SLC38A2: variants seen among roughly 807,000 people sequenced by gnomAD.
SLC38A2 encodes solute carrier family 38 member 2, also known as sodium-coupled neutral amino acid symporter 2.
In SLC38A2, 11 loss-of-function variants were observed where a neutral mutation model predicts 61.5. The observed-to-expected ratio is 0.18, with a 90% CI of 0.11 to 0.30. The LOEUF (loss-of-function observed/expected upper bound fraction) is 0.30, where lower values mean the gene tolerates loss of function less well. SLC38A2 is among the 10% of genes least tolerant of loss of function. The pLI, the probability that SLC38A2 is intolerant of heterozygous loss-of-function variation, is 1.00. For synonymous variants in SLC38A2, 217 were observed against 212.5 expected (o/e 1.02, Z -0.18); for missense variants, 522 against 600.4 (o/e 0.87, Z 1.36).
At chr12:46,367,009 G>T (rs1026058466) in intron 6 of SLC38A2, 64 bp from the exon 7 acceptor site, 2 of 1,603,756 alleles carry the variant, frequency 1.2e-6, no homozygotes, top group Non-Finnish European at 1.7e-6. Flanking sequence ...TAAAACGCAT[G>T]TGTCACCATT....
intron 15 of SLC38A2, 23 bp downstream of exon 15, chr12:46,362,261 T>G: frequency 1.3e-6 from 2 of 1,531,028 alleles, no homozygotes; most frequent in Non-Finnish European, 1.8e-6. Context: ...TTACTGTTTC[T>G]ATGGTTATAA....
In SLC38A2 at chr12:46,367,261, T is replaced by C. The variant is rs200254457; in HGVS notation, c.388+6A>G. On this transcript the variant is annotated splice_donor_region_variant and intron_variant, in intron 5 of 15. Transcript: ENST00000256689. ...TGTTTTAGAAAAATCAAGAATGCTA[T>C]CATACCTCCTTCATTGGCAGTCTTC... 5.7e-5 allele frequency: 91 copies of C among 1,591,888 alleles called. No homozygotes were observed. The highest frequency in any genetic ancestry group is 6.6e-5 in the Non-Finnish European group (77 of 1,160,204).
At position 46,365,147 on chromosome 12, in the gene SLC38A2, T is replaced by C. The variant is rs777998353; in HGVS notation, c.606A>G (p.Ser202=). 1.5e-5 allele frequency: 25 copies of C among 1,613,552 alleles called. No homozygotes were observed. In the South Asian group the frequency reaches 1.9e-4, roughly 12 times the overall value. The change falls in exon 8 of 16, where the codon TCA becomes TCG. Residue 202 remains serine, a synonymous_variant. Transcript: ENST00000256689. ...LNGNYLVLLV[S]LVVILPLSLF... ...GCGACAAAGGAAGAATGACCACCAATGACACCAACAGAACCAAATAGTTCC... is the reference window on the plus strand; with the variant it reads ...GCGACAAAGGAAGAATGACCACCAACGACACCAACAGAACCAAATAGTTCC...
rs1943064630 is a variant in SLC38A2 at position 46,360,085 on chromosome 12, G to A, written c.*1026C>T. The A allele has an allele frequency of 6.6e-6, 1 of 152,566 alleles. No individual in the cohort carries two copies. The highest frequency in any genetic ancestry group is 6.5e-5 in the Admixed American group (1 of 15,270). 9.5% of individuals were successfully genotyped at this position (152,566 alleles called of 1,614,324 possible). A position where few individuals can be genotyped will look rare whatever the true frequency, so the allele number is the denominator to read the frequency against. Reference sequence around the variant, plus strand: ...CTGGACACAATAATTTTGGCCTATTGCCATCAAATGCCCATTTTCCACTGC... The same window carrying A: ...CTGGACACAATAATTTTGGCCTATTACCATCAAATGCCCATTTTCCACTGC... On this transcript the variant is annotated 3_prime_UTR_variant, in exon 16 of 16. Coordinates refer to ENST00000256689, the MANE Select transcript of SLC38A2 (RefSeq NM_018976.5).
In SLC38A2 at chr12:46,364,001, A is replaced by G. The variant is rs932286899; in HGVS notation, c.876T>C (p.Thr292=). The G allele has an allele frequency of 5.7e-5, 91 of 1,600,538 alleles. No homozygotes were observed. The highest frequency in any genetic ancestry group is 7.6e-5 in the Non-Finnish European group (89 of 1,175,056). The change falls in exon 11 of 16, where the codon ACT becomes ACC. Residue 292 remains threonine (T), a splice_region_variant and synonymous_variant. Coordinates refer to ENST00000256689, the MANE Select transcript of SLC38A2 (RefSeq NM_018976.5). ...AGATCAGAATTGGCACAGCATAGAC[A>G]GTCTGAAAGAAAACGTAAAAATCTA... ...RPHYFIFNSQ[T]VYAVPILIFS...
intron 4 of SLC38A2, among the ~76,000 whole-genome samples, chr12:46,369,626 TACTTAA>T (rs1943173569): frequency 1.3e-5 from 2 of 152,192 alleles, no homozygotes; most frequent in South Asian, 2.1e-4. Context: ...GGTCCACGGG[TACTTAA>T]ACTTAAGGGC....
Position 46,360,278 on chromosome 12 carries a change from C to G in SLC38A2, c.*833G>C, listed in dbSNP as rs1481127782. On this transcript the variant is annotated 3_prime_UTR_variant, in exon 16 of 16. Transcript: ENST00000256689. ...AGAAATATCTGCATTATCTTCCATTCTAATAAGTTGAAGACACAAACATTT... is the reference window on the plus strand; with the variant it reads ...AGAAATATCTGCATTATCTTCCATTGTAATAAGTTGAAGACACAAACATTT... The G allele has an allele frequency of 6.6e-6, 1 of 152,556 alleles. No individual in the cohort carries two copies. The highest frequency in any genetic ancestry group is 2.4e-5 in the African/African-American group (1 of 41,438). 9.5% of individuals were successfully genotyped at this position (152,556 alleles called of 1,614,324 possible).
rs1481101166 is a variant in SLC38A2, at chr12:46,367,315, ATAT to A, written c.337_339del (p.Ile113del). Reference sequence around the variant, plus strand: ...AGGAGATGAACAGAATACAGGGAAAATATTGACACAAATGTCAAGAGAATTCTG... The same window carrying A: ...AGGAGATGAACAGAATACAGGGAAAATGACACAAATGTCAAGAGAATTCTG... On this transcript the variant is annotated inframe_deletion, in exon 5 of 16. Transcript: ENST00000256689. 1.9e-6 allele frequency: 3 copies of A among 1,593,282 alleles called. No homozygotes were observed. The highest frequency in any genetic ancestry group is 2.6e-6 in the Non-Finnish European group (3 of 1,161,626).
chr12:46,362,994 C>A lies in SLC38A2; in HGVS notation c.1179+27G>T, dbSNP rs748709968. ...TCACATGTCTAAAAACTCCTTCCTA[C>A]TGAAAGCAGAGCAAGTGATTACTTA... On this transcript the variant is annotated intron_variant, in intron 13 of 15. Coordinates refer to ENST00000256689, the MANE Select transcript of SLC38A2 (RefSeq NM_018976.5). 6.0e-5 allele frequency: 96 copies of A among 1,610,582 alleles called. 1 individual carries two copies. In the South Asian group the frequency reaches 1.0e-3, roughly 17 times the overall value.
rs148403590 is a variant in SLC38A2, at chr12:46,368,607, G to A, written c.315-1267C>T. ...GAAGAGTTACATGTTTTTTAATTCCGTATGAACAAACTGCACGCAGTACCA... is the reference window on the plus strand; with the variant it reads ...GAAGAGTTACATGTTTTTTAATTCCATATGAACAAACTGCACGCAGTACCA... On this transcript the variant is annotated intron_variant, in intron 4 of 15. Coordinates refer to ENST00000256689, the MANE Select transcript of SLC38A2 (RefSeq NM_018976.5). 5.8e-3 allele frequency among the ~76,000 whole-genome samples: 889 copies of A among 152,200 alleles called. 2 individuals are homozygous for A. The highest frequency in any genetic ancestry group is 0.01 in the Middle Eastern group (3 of 294).
intron 12 of SLC38A2, among the ~76,000 whole-genome samples, chr12:46,363,409 G>C (rs1224928120): frequency 1.3e-5 from 2 of 152,036 alleles, no homozygotes; most frequent in Non-Finnish European, 2.9e-5. Context: ...GGCTTGGCTT[G>C]CAATTTGTGT....
In SLC38A2 at chr12:46,362,380, A is replaced by C; in HGVS notation, c.1326T>G (p.Gly442=). ...AAATCAACATAGAAGCTGCAGATGC[A>C]CCTGTAAAACAACATTTATGTTTCT... The part of the protein sequence containing the change: ...PTIRDIFGFI[G]ASAASMLIFI... The change falls in exon 15 of 16, where the codon GGT becomes GGG. Residue 442 remains glycine (G), a splice_region_variant and synonymous_variant. Transcript: ENST00000256689. 1 of 1,607,762 alleles carries C rather than the reference A, an allele frequency of 6.2e-7. No homozygotes were observed. Among genetic ancestry groups the C allele is most frequent in the Non-Finnish European group, 8.5e-7 (1 of 1,177,838 alleles).
rs1943050148 is a variant in SLC38A2 at position 46,358,809 on chromosome 12, A to G, written c.*2302T>C. Reference sequence around the variant, plus strand: ...AATGTTGTTCTATAAATAACATTACAGTTGTAACTGAAACATCCACGGAAG... The same window carrying G: ...AATGTTGTTCTATAAATAACATTACGGTTGTAACTGAAACATCCACGGAAG... On this transcript the variant is annotated 3_prime_UTR_variant, in exon 16 of 16. Coordinates refer to ENST00000256689, the MANE Select transcript of SLC38A2 (RefSeq NM_018976.5). The G allele has an allele frequency of 6.6e-6, 1 of 152,652 alleles. No homozygotes were observed. The allele number at this position is 152,652 out of a possible 1,614,324, so 9.5% of individuals were successfully genotyped here. A position where few individuals can be genotyped will look rare whatever the true frequency, so the allele number is the denominator to read the frequency against.
At chr12:46,363,201 G>A (rs1288520368) in intron 12 of SLC38A2, 56 bp from the exon 13 acceptor site, 47 of 1,577,884 alleles carry the variant, frequency 3.0e-5, no homozygotes, top group Non-Finnish European at 3.8e-5. Flanking sequence ...ACACCAAGTA[G>A]AAAATTTAAC....
intron 15 of SLC38A2, 42 bp from the exon 16 acceptor site, chr12:46,361,251 C>G (rs1565826588): frequency 6.8e-7 from 1 of 1,467,466 alleles, no homozygotes; most frequent in South Asian, 1.2e-5. Flanking sequence ...AGTAATAAAA[C>G]ATATATGCTA....
intron 7 of SLC38A2, 147 bp from the exon 8 acceptor site, chr12:46,365,336 T>C: frequency 1.5e-6 from 1 of 688,256 alleles, no homozygotes; most frequent in South Asian, 1.7e-5. Flanking sequence ...CTGTTCAAGA[T>C]AGGAATAACT....
intron 12 of SLC38A2, 150 bp downstream of exon 12, chr12:46,363,576 C>G: frequency 1.9e-6 from 1 of 526,816 alleles, no homozygotes; most frequent in Non-Finnish European, 3.3e-6. Flanking sequence ...ATTCTAAGCT[C>G]TAAATTTAAT....
intron 1 of SLC38A2, chr12:46,372,217 C>G (rs1943211576): frequency 6.4e-6 from 1 of 155,564 alleles, no homozygotes; most frequent in African/African-American, 2.4e-5. Context: ...ACAAGACTTG[C>G]CGCAGCAGAG....
At chr12:46,364,877 C>T in intron 8 of SLC38A2, 175 bp from the exon 9 acceptor site, 3 of 670,360 alleles carry the variant, frequency 4.5e-6, no homozygotes, top group African/African-American at 1.8e-5. Context: ...TTTAAATATA[C>T]TTGTCATAAC....
Sources: gnomAD v4.1 joint callset for allele counts (sites outside exome capture counted in the v4.1 genomes callset) on GRCh38, gnomAD v4.1.1 for gene constraint, MANE v1.5 for transcripts, NCBI Gene and HGNC (gene_info 2026-07-23, HGNC 2026-07-21) for gene names.